The following DMD variants were observed in gnomAD, a reference collection of about 807,000 sequenced individuals.
DMD encodes the protein dystrophin, also known as mutant dystrophin.
Under a neutral mutation model 330.1 loss-of-function variants are expected in DMD, and 63 were observed. That is an observed-to-expected ratio of 0.19 (90% CI 0.16 to 0.24). The LOEUF (loss-of-function observed/expected upper bound fraction) is 0.24, where lower values mean the gene tolerates loss of function less well. Among genes scored for constraint, DMD ranks in the 10% least tolerant of loss-of-function variants. The pLI is 1.00. For synonymous variants in DMD, 1,223 were observed against 959.8 expected (o/e 1.27, Z -5.07); for missense variants, 3,344 against 2,684.1 (o/e 1.25, Z -5.43).
intron 29 of DMD, among the ~76,000 whole-genome samples, chrX:32,435,272 TTACATATA>T (rs2098255857): frequency 2.2e-5 from 1 of 45,957 alleles, no homozygotes. Context: ...TAATATATAC[TTACATATA>T]TATATATATA....
At chrX:32,356,171 G>C (rs1338851765) in intron 37 of DMD, among the ~76,000 whole-genome samples, 1 of 109,162 alleles carries the variant, frequency 9.2e-6, no homozygotes, top group Non-Finnish European at 1.9e-5. Flanking sequence ...AAGTTTAGGA[G>C]AGCCAAAATA....
chrX:31,370,614 C>T (rs1035537558), intron 60 of DMD, among the ~76,000 whole-genome samples: 2 of 112,334 alleles, frequency 1.8e-5, no homozygotes, highest in South Asian at 3.7e-4. Context: ...ACAGACGCTT[C>T]GGAAAAGTTT....
chrX:32,917,583 G>A (rs1012909424), intron 2 of DMD, among the ~76,000 whole-genome samples: 5 of 111,229 alleles, frequency 4.5e-5, no homozygotes, highest in Admixed American at 1.9e-4. Context: ...CAAAATCTCC[G>A]CTCTATAATT....
At chrX:31,607,184 A>G (rs907041165) in intron 55 of DMD, among the ~76,000 whole-genome samples, 5 of 111,793 alleles carry the variant, frequency 4.5e-5, no homozygotes, top group African/African-American at 1.3e-4. Flanking sequence ...CTGAGAACCT[A>G]TGAACAATAA....
chrX:31,703,286 G>A (rs758895543), intron 52 of DMD, among the ~76,000 whole-genome samples: 5 of 112,496 alleles, frequency 4.4e-5, no homozygotes, highest in African/African-American at 1.6e-4. Context: ...TCTGCTGCCT[G>A]TTGTGATGCC....
At chrX:33,055,108 G>C (rs1291639174) in intron 1 of DMD, among the ~76,000 whole-genome samples, 1 of 111,647 alleles carries the variant, frequency 9.0e-6, no homozygotes, top group Non-Finnish European at 1.9e-5. Context: ...CGTTAAAAGA[G>C]ATTTACGATA....
intron 76 of DMD, among the ~76,000 whole-genome samples, chrX:31,137,287 G>A (rs2035370745): frequency 8.9e-6 from 1 of 112,177 alleles, no homozygotes; most frequent in South Asian, 3.7e-4. Context: ...CCAAAGTGCT[G>A]GGATTACAGG....
At chrX:31,215,863 T>C (rs1254867568) in intron 64 of DMD, among the ~76,000 whole-genome samples, 1 of 112,593 alleles carries the variant, frequency 8.9e-6, no homozygotes, top group Non-Finnish European at 1.9e-5. Flanking sequence ...CCTACTTTCC[T>C]GAGACTGAAA....
chrX:31,716,826 TACACACACACACAC>T (rs3032284), intron 52 of DMD, among the ~76,000 whole-genome samples: 4 of 96,464 alleles, frequency 4.1e-5, no homozygotes, highest in Non-Finnish European at 8.3e-5. Context: ...TATATAAGAA[TACACACACACACAC>T]ACACACACAC....
intron 2 of DMD, among the ~76,000 whole-genome samples, chrX:32,958,406 A>G (rs1392186950): frequency 9.0e-6 from 1 of 111,193 alleles, no homozygotes; most frequent in Non-Finnish European, 1.9e-5. Flanking sequence ...CTGTATCTTC[A>G]GGCACTGGAA....
At chrX:31,693,610 G>A (rs887452339) in intron 52 of DMD, among the ~76,000 whole-genome samples, 7 of 111,185 alleles carry the variant, frequency 6.3e-5, no homozygotes, top group African/African-American at 1.6e-4. Flanking sequence ...AATCAGTAGC[G>A]ATAACAATTG....
At chrX:32,788,166 C>T (rs2075550581) in intron 7 of DMD, among the ~76,000 whole-genome samples, 2 of 111,642 alleles carry the variant, frequency 1.8e-5, no homozygotes, top group African/African-American at 6.5e-5. Flanking sequence ...GGAAAATGAA[C>T]ATAGAAACTT....
At chrX:32,962,676 T>A (rs988950616) in intron 2 of DMD, among the ~76,000 whole-genome samples, 36 of 111,901 alleles carry the variant, frequency 3.2e-4, no homozygotes, top group African/African-American at 1.0e-3. Context: ...CATCGTTTTA[T>A]TAAAACAAAA....
intron 13 of DMD, among the ~76,000 whole-genome samples, chrX:32,589,778 A>G (rs2054691561): frequency 1.8e-5 from 2 of 111,615 alleles, no homozygotes; most frequent in Admixed American, 1.9e-4. Context: ...GGACATAGCT[A>G]TAAACCTTCT....
At chrX:31,454,856 G>A (rs1234898800) in intron 59 of DMD, among the ~76,000 whole-genome samples, 1 of 110,131 alleles carries the variant, frequency 9.1e-6, no homozygotes, top group Non-Finnish European at 1.9e-5. Flanking sequence ...GGGCTCAAGC[G>A]ATCCTCCTGC....
At chrX:32,366,988 A>C (rs2097856877) in intron 34 of DMD, among the ~76,000 whole-genome samples, 1 of 112,095 alleles carries the variant, frequency 8.9e-6, no homozygotes, top group African/African-American at 3.2e-5. Flanking sequence ...TGAGCTTAGC[A>C]ATTCATAAAA....
intron 45 of DMD, among the ~76,000 whole-genome samples, chrX:31,965,904 C>T (rs2095346701): frequency 9.0e-6 from 1 of 111,492 alleles, no homozygotes; most frequent in Non-Finnish European, 1.9e-5. Context: ...CTTGGATGTC[C>T]ACTATTATTT....
intron 30 of DMD, among the ~76,000 whole-genome samples, chrX:32,403,776 A>G (rs186299126): frequency 9.8e-4 from 110 of 112,296 alleles, no homozygotes; most frequent in Middle Eastern, 4.6e-3. Context: ...GAAAATAAAA[A>G]GTCTACATCT....
At chrX:32,393,329 G>A (rs1343580762) in intron 30 of DMD, among the ~76,000 whole-genome samples, 1 of 111,272 alleles carries the variant, frequency 9.0e-6, no homozygotes, top group Non-Finnish European at 1.9e-5. Flanking sequence ...ACAGGGCACT[G>A]AAGAGCATAA....
Sources: allele counts gnomAD v4.1 joint callset (sites outside exome capture counted in the v4.1 genomes callset), GRCh38; gene constraint gnomAD v4.1.1; transcripts MANE v1.5; gene names NCBI Gene and HGNC (gene_info 2026-07-23, HGNC 2026-07-21).